Variants in DCC observed in about 807,000 individuals in gnomAD.
DCC encodes netrin receptor DCC.
DCC carries 58 observed loss-of-function variants against 172.5 expected under a neutral mutation model. That is an observed-to-expected ratio of 0.34 (90% CI 0.27 to 0.42). DCC has a LOEUF of 0.42. Ranked by LOEUF, DCC falls within the 10% of genes least tolerant of loss-of-function variation. The pLI, the probability that DCC is intolerant of heterozygous loss-of-function variation, is 1.00. For synonymous variants in DCC, 709 were observed against 644.5 expected (o/e 1.10, Z -1.52); for missense variants, 1,740 against 1,791.0 (o/e 0.97, Z 0.51).
intron 15 of DCC, among the ~76,000 whole-genome samples, chr18:53,380,801 T>G (rs532145083): frequency 6.6e-6 from 1 of 152,198 alleles, no homozygotes; most frequent in South Asian, 2.1e-4. Flanking sequence ...CTATGGGATA[T>G]TCTTATACCA....
At chr18:52,458,837 A>G (rs1269469266) in intron 1 of DCC, among the ~76,000 whole-genome samples, 1 of 152,216 alleles carries the variant, frequency 6.6e-6, no homozygotes, top group East Asian at 1.9e-4. Flanking sequence ...AGATTAGCCT[A>G]GTCAGCTCTT....
intron 12 of DCC, among the ~76,000 whole-genome samples, chr18:53,244,771 A>G (rs1266920125): frequency 6.6e-6 from 1 of 152,112 alleles, no homozygotes; most frequent in African/African-American, 2.4e-5. Context: ...GTCCCTTTGT[A>G]GAGGCTAGAA....
intron 1 of DCC, among the ~76,000 whole-genome samples, chr18:52,552,885 A>G (rs2032814484): frequency 6.6e-6 from 1 of 152,124 alleles, no homozygotes; most frequent in Admixed American, 6.6e-5. Context: ...TATGTATACA[A>G]GAAAAATAGC....
intron 12 of DCC, among the ~76,000 whole-genome samples, chr18:53,261,249 G>C (rs1041980712): frequency 2.0e-5 from 3 of 152,090 alleles, no homozygotes; most frequent in Non-Finnish European, 4.4e-5. Context: ...AGATGAACCC[G>C]GTACCTCAGT....
At chr18:53,000,892 T>C (rs1362891380) in intron 5 of DCC, among the ~76,000 whole-genome samples, 1 of 152,068 alleles carries the variant, frequency 6.6e-6, no homozygotes, top group East Asian at 1.9e-4. Context: ...TTATTACTCA[T>C]CACTTCCTAA....
At position 53,066,353 on chromosome 18, in the gene DCC, G is replaced by GTGTATATA. The variant is rs1555704364; in HGVS notation, c.1261+188_1261+189insGTATATAT. On this transcript the variant is annotated intron_variant, in intron 7 of 28. Coordinates refer to ENST00000442544, the MANE Select transcript of DCC (RefSeq NM_005215.4). ...TAGAAAATTGTGTGTGTACATGTGT[G>GTGTATATA]TATATATATATATATATATATATAT... Among the ~76,000 whole-genome samples the GTGTATATA allele has an allele frequency of 5.3e-5, 5 of 94,602 alleles. No individual in the cohort carries two copies. The East Asian group carries it at 8.3e-4, about 16-fold the overall frequency. 62.1% of individuals were successfully genotyped at this position (94,602 alleles called of 152,430 possible). A position where few individuals can be genotyped will look rare whatever the true frequency, so the allele number is the denominator to read the frequency against.
At chr18:53,066,987 A>C (rs556714200) in intron 7 of DCC, among the ~76,000 whole-genome samples, 1 of 151,990 alleles carries the variant, frequency 6.6e-6, no homozygotes, top group African/African-American at 2.4e-5. Flanking sequence ...TCTCATGAGA[A>C]CTCAGTCACT....
chr18:53,077,065 G>T (rs1479406607), intron 7 of DCC, among the ~76,000 whole-genome samples: 2 of 150,236 alleles, frequency 1.3e-5, no homozygotes. Context: ...ACAATCTGGT[G>T]TTTACAGGGG....
chr18:52,737,047 C>T (rs2036740699), intron 1 of DCC, among the ~76,000 whole-genome samples: 1 of 152,164 alleles, frequency 6.6e-6, no homozygotes, highest in African/African-American at 2.4e-5. Flanking sequence ...TTTATAGTCT[C>T]TATCATTCAA....
intron 5 of DCC, among the ~76,000 whole-genome samples, chr18:53,061,995 C>A (rs2042501635): frequency 6.6e-6 from 1 of 152,022 alleles, no homozygotes; most frequent in Non-Finnish European, 1.5e-5. Context: ...CAGAGGTATT[C>A]AAGTAATATT....
chr18:52,792,525 A>G (rs549379973), intron 2 of DCC, among the ~76,000 whole-genome samples: 1 of 152,288 alleles, frequency 6.6e-6, no homozygotes, highest in African/African-American at 2.4e-5. Context: ...TTCCAGCCCC[A>G]TACAATGGCT....
At chr18:53,520,920 C>T (rs1020032683) in intron 27 of DCC, among the ~76,000 whole-genome samples, 1 of 152,026 alleles carries the variant, frequency 6.6e-6, no homozygotes, top group African/African-American at 2.4e-5. Flanking sequence ...CATAGAGTGT[C>T]CCAGTCAAAT....
intron 7 of DCC, among the ~76,000 whole-genome samples, chr18:53,095,792 C>CTTTTTTTTTT (rs71175552): frequency 1.6e-5 from 2 of 126,252 alleles, no homozygotes; most frequent in Admixed American, 8.1e-5. Context: ...ATATGGATAT[C>CTTTTTTTTTT]TTTTTTTTTT....
intron 9 of DCC, among the ~76,000 whole-genome samples, chr18:53,201,309 C>A (rs1432115250): frequency 6.6e-6 from 1 of 152,154 alleles, no homozygotes; most frequent in Non-Finnish European, 1.5e-5. Flanking sequence ...AAAGAACACC[C>A]TTTCCATGTG....
intron 2 of DCC, among the ~76,000 whole-genome samples, chr18:52,818,540 A>C (rs1410017289): frequency 6.6e-6 from 1 of 152,100 alleles, no homozygotes; most frequent in Non-Finnish European, 1.5e-5. Context: ...TCATAGTTTT[A>C]TGCTTACTGA....
rs577177676 is a variant in DCC at position 52,887,853 on chromosome 18, T to A, written c.413-18191T>A. 5.9e-5 allele frequency among the ~76,000 whole-genome samples: 9 copies of A among 152,338 alleles called. No individual in the cohort carries two copies. In the East Asian group the frequency reaches 1.5e-3, roughly 26 times the overall value. On this transcript the variant is annotated intron_variant, in intron 2 of 28. Coordinates refer to ENST00000442544, the MANE Select transcript of DCC (RefSeq NM_005215.4). ...AGCCTCTGTATCAGCCCAAACCATCTGCTCTTAGATCTGTTGGTTTTTCCA... is the reference window on the plus strand; with the variant it reads ...AGCCTCTGTATCAGCCCAAACCATCAGCTCTTAGATCTGTTGGTTTTTCCA...
intron 9 of DCC, among the ~76,000 whole-genome samples, chr18:53,188,045 TCCTCTTATTTAAAC>T (rs1185265390): frequency 6.6e-6 from 1 of 152,216 alleles, no homozygotes; most frequent in African/African-American, 2.4e-5. Context: ...TTGTACATTG[TCCTCTTATTTAAAC>T]CTATAATTGG....
intron 1 of DCC, among the ~76,000 whole-genome samples, chr18:52,640,507 C>T (rs1008743491): frequency 3.3e-5 from 5 of 152,016 alleles, no homozygotes; most frequent in Admixed American, 2.0e-4. Flanking sequence ...AAGAATTCAG[C>T]AAAGTTTCCA....
Position 53,209,642 on chromosome 18 carries a change from A to T in DCC, c.1861+1825A>T, listed in dbSNP as rs561361464. 7.9e-5 allele frequency among the ~76,000 whole-genome samples: 12 copies of T among 152,348 alleles called. No homozygotes were observed. The South Asian group carries it at 2.5e-3, about 32-fold the overall frequency. On this transcript the variant is annotated intron_variant, in intron 11 of 28. Coordinates refer to ENST00000442544, the MANE Select transcript of DCC (RefSeq NM_005215.4). ...CAACTTTAAAATGTATTTTATACGTAATACCACTTTGGTATCATTTTTAAT... is the reference window on the plus strand; with the variant it reads ...CAACTTTAAAATGTATTTTATACGTTATACCACTTTGGTATCATTTTTAAT...
Sources: allele counts gnomAD v4.1 joint callset (sites outside exome capture counted in the v4.1 genomes callset), GRCh38; gene constraint gnomAD v4.1.1; transcripts MANE v1.5; gene names NCBI Gene and HGNC (gene_info 2026-07-23, HGNC 2026-07-21).